The following SYT16 variants were observed in gnomAD, a reference collection of about 807,000 sequenced individuals.
The protein encoded by SYT16 is synaptotagmin 16, also known as synaptotagmin-16.
A neutral mutation model predicts 61.4 loss-of-function variants in SYT16; 42 were observed. The observed-to-expected ratio is 0.68, with a 90% CI of 0.53 to 0.89. The LOEUF is 0.89. SYT16 is among the 40% of genes least tolerant of loss of function. SYT16 has a pLI of 0.00. For missense variants in SYT16, 804 were observed against 807.3 expected (o/e 1.00, Z 0.05); for synonymous variants, 314 against 302.3 (o/e 1.04, Z -0.40).
intron 1 of SYT16, among the ~76,000 whole-genome samples, chr14:61,878,030 C>T (rs2140314028): frequency 6.6e-6 from 1 of 152,202 alleles, no homozygotes; most frequent in South Asian, 2.1e-4. Context: ...CTGGGCAAGG[C>T]CTTGGGGTGT....
intron 3 of SYT16, among the ~76,000 whole-genome samples, chr14:62,042,096 C>T (rs1254607265): frequency 6.6e-6 from 1 of 152,132 alleles, no homozygotes; most frequent in Admixed American, 6.5e-5. Context: ...TAATTTCTAG[C>T]TCCATGTCAA....
At chr14:61,826,299 C>A (rs1326574181) in intron 1 of SYT16, among the ~76,000 whole-genome samples, 1 of 151,994 alleles carries the variant, frequency 6.6e-6, no homozygotes, top group African/African-American at 2.4e-5. Flanking sequence ...AACTGGGGTA[C>A]CCAGAGAAAA....
Position 61,865,212 on chromosome 14 carries a change from AT to A in SYT16, c.-325+52404del, listed in dbSNP as rs151059125. 1,086 of 1,095,436 alleles carry A rather than the reference AT, an allele frequency of 9.9e-4. 8 individuals are homozygous for A. In the African/African-American group the frequency reaches 0.015, roughly 15 times the overall value. The allele number at this position is 1,095,436 out of a possible 1,614,324, so 67.9% of individuals were successfully genotyped here. Reference sequence around the variant, plus strand: ...GTCACTGACTATAAGCGACTTCTGGATTCTGGGGCACCCCATCTGTTGCTGG... The same window carrying A: ...GTCACTGACTATAAGCGACTTCTGGATCTGGGGCACCCCATCTGTTGCTGG... On this transcript the variant is annotated intron_variant, in intron 1 of 7. Coordinates refer to ENST00000683842, the MANE Select transcript of SYT16 (RefSeq NM_001367656.1).
chr14:62,045,608 C>T (rs564111288), intron 3 of SYT16, among the ~76,000 whole-genome samples: 38 of 152,250 alleles, frequency 2.5e-4, no homozygotes, highest in African/African-American at 9.1e-4. Flanking sequence ...CCCACTTCCC[C>T]CACCCCACAA....
intron 7 of SYT16, among the ~76,000 whole-genome samples, chr14:62,096,053 C>T (rs937775911): frequency 1.3e-4 from 20 of 151,838 alleles, no homozygotes; most frequent in African/African-American, 4.6e-4. Context: ...AAATTTAGAT[C>T]CCTACCTCAC....
At chr14:62,010,624 T>A (rs28547443) in intron 3 of SYT16, among the ~76,000 whole-genome samples, 78,049 of 151,946 alleles carry the variant, frequency 0.51, 20,860 homozygotes, top group East Asian at 0.7. Context: ...ATTTAATACA[T>A]TTTTACTGAA....
At chr14:61,818,120 C>A (rs556154474) in intron 1 of SYT16, among the ~76,000 whole-genome samples, 1 of 152,196 alleles carries the variant, frequency 6.6e-6, no homozygotes, top group East Asian at 1.9e-4. Flanking sequence ...ATAATGTTAA[C>A]AAAACTTTTT....
intron 1 of SYT16, among the ~76,000 whole-genome samples, chr14:61,814,304 G>A (rs1465486917): frequency 6.6e-6 from 1 of 152,046 alleles, no homozygotes; most frequent in Admixed American, 6.6e-5. Flanking sequence ...AAAAAATTAT[G>A]GTTGAAGCTT....
At chr14:61,820,469 GT>G (rs71117856) in intron 1 of SYT16, among the ~76,000 whole-genome samples, 839 of 60,974 alleles carry the variant, frequency 0.014, no homozygotes, top group Middle Eastern at 0.071. Context: ...CCTCTTCAGA[GT>G]TTTTTTTTTT....
intron 3 of SYT16, among the ~76,000 whole-genome samples, chr14:62,058,325 T>C (rs1003435929): frequency 2.7e-5 from 4 of 150,666 alleles, no homozygotes; most frequent in African/African-American, 4.9e-5. Flanking sequence ...GTCAAATGTA[T>C]GTTATGTTTA....
At chr14:61,865,259 G>A in intron 1 of SYT16, 1 of 842,254 alleles carries the variant, frequency 1.2e-6, no homozygotes, top group South Asian at 1.4e-5. Context: ...TAAGATGGAG[G>A]TGAGCATCTG....
chr14:61,821,784 AC>A (rs2045626933), intron 1 of SYT16, among the ~76,000 whole-genome samples: 1 of 152,216 alleles, frequency 6.6e-6, no homozygotes. Flanking sequence ...GGATGTGAGT[AC>A]TAGGAGATGA....
intron 1 of SYT16, among the ~76,000 whole-genome samples, chr14:61,834,343 G>C (rs2046053490): frequency 6.7e-6 from 1 of 149,196 alleles, no homozygotes; most frequent in African/African-American, 2.5e-5. Context: ...TGTTAGCCAG[G>C]TTGGTCTTAG....
At chr14:61,898,732 A>G (rs1029288731) in intron 1 of SYT16, among the ~76,000 whole-genome samples, 3 of 152,266 alleles carry the variant, frequency 2.0e-5, no homozygotes, top group Non-Finnish European at 4.4e-5. Flanking sequence ...TTGGAAAGAT[A>G]TGACAGGGAC....
intron 3 of SYT16, among the ~76,000 whole-genome samples, chr14:62,001,614 C>T (rs977457543): frequency 5.6e-5 from 6 of 106,740 alleles, no homozygotes; most frequent in African/African-American, 2.7e-4. Flanking sequence ...CTTATTAGGT[C>T]TGTGGGTTTA....
intron 3 of SYT16, among the ~76,000 whole-genome samples, chr14:62,008,767 TTA>T (rs1012500321): frequency 9.9e-5 from 15 of 152,126 alleles, no homozygotes; most frequent in African/African-American, 1.4e-4. Context: ...CTTCTCAATG[TTA>T]TGTTTTTGAG....
chr14:62,079,255 G>C, intron 5 of SYT16: 1 of 631,494 alleles, frequency 1.6e-6, no homozygotes, highest in East Asian at 7.8e-5. Flanking sequence ...CCTCTGAATA[G>C]AAACACTCAC....
At chr14:61,977,776 A>G (rs755049973) in intron 2 of SYT16, among the ~76,000 whole-genome samples, 3 of 152,232 alleles carry the variant, frequency 2.0e-5, no homozygotes, top group Non-Finnish European at 4.4e-5. Context: ...GTTGAAAAAA[A>G]TAGGAGAATG....
chr14:62,014,720 C>A (rs955961157), intron 3 of SYT16, among the ~76,000 whole-genome samples: 1 of 152,140 alleles, frequency 6.6e-6, no homozygotes, highest in Non-Finnish European at 1.5e-5. Flanking sequence ...AGGCACGAGC[C>A]ATTGCGCCCG....
Sources: gnomAD v4.1 joint callset for allele counts (sites outside exome capture counted in the v4.1 genomes callset) on GRCh38, gnomAD v4.1.1 for gene constraint, MANE v1.5 for transcripts, NCBI Gene and HGNC (gene_info 2026-07-23, HGNC 2026-07-21) for gene names.